Variants in COL26A1 observed in about 807,000 individuals in gnomAD.
COL26A1 encodes the protein collagen type XXVI alpha 1 chain, also known as collagen alpha-1(XXVI) chain.
In COL26A1, 41 loss-of-function variants were observed where a neutral mutation model predicts 59.3. The ratio of observed to expected loss-of-function variants is 0.69; its 90% CI spans 0.54 to 0.90. The LOEUF is 0.90. Among genes scored for constraint, COL26A1 ranks in the 40% least tolerant of loss-of-function variants. The pLI is 0.00. For synonymous variants in COL26A1, 266 were observed against 256.0 expected (o/e 1.04, Z -0.37); for missense variants, 612 against 602.3 (o/e 1.02, Z -0.17).
At chr7:101,509,682 C>A (rs1005920887) in intron 3 of COL26A1, among the ~76,000 whole-genome samples, 15 of 152,048 alleles carry the variant, frequency 9.9e-5, no homozygotes, top group Admixed American at 9.8e-4. Context: ...GAGTTGAGGC[C>A]CCCAGCAGCT....
chr7:101,549,070 CT>C (rs1795805073), intron 8 of COL26A1, 100 bp from the exon 9 acceptor site: 1 of 591,904 alleles, frequency 1.7e-6, no homozygotes. Context: ...CCAAACCCTC[CT>C]TTACTTCCCA....
intron 3 of COL26A1, among the ~76,000 whole-genome samples, chr7:101,469,495 C>CTTTTT (rs36116265): frequency 2.8e-5 from 4 of 145,206 alleles, no homozygotes; most frequent in African/African-American, 1.0e-4. Flanking sequence ...CGATTTCTCT[C>CTTTTT]TTTTTTTTTT....
intron 1 of COL26A1, among the ~76,000 whole-genome samples, chr7:101,396,754 C>T (rs1584370712): frequency 1.3e-5 from 2 of 152,146 alleles, no homozygotes; most frequent in East Asian, 3.9e-4. Flanking sequence ...TGAGCTACCA[C>T]TCCTGGCCAT....
chr7:101,538,436 G>A (rs1475201190), intron 4 of COL26A1, among the ~76,000 whole-genome samples: 1 of 152,230 alleles, frequency 6.6e-6, no homozygotes, highest in Non-Finnish European at 1.5e-5. Context: ...CCATTTGCTG[G>A]GTGATCTCAG....
At chr7:101,362,701 T>G, upstream of COL26A1, 2 of 352,658 alleles carry the variant, frequency 5.7e-6, no homozygotes, top group Admixed American at 4.9e-5. Context: ...AGGTCTGGCT[T>G]TCGGGGTGTT....
rs901504031 is a variant in COL26A1 at position 101,494,920 on chromosome 7, C to T, written c.386-38162C>T. On this transcript the variant is annotated intron_variant, in intron 3 of 12. Transcript: ENST00000313669. ...GTGCTGCCTAGAGTTGGTCGTGATT[C>T]ATCTCCTCTATGGGGAGAGGGGCTG... is the stretch of plus-strand genomic sequence containing the variant. Among the ~76,000 whole-genome samples, 5 of 152,336 alleles carry T rather than the reference C, an allele frequency of 3.3e-5. No homozygotes were observed. In the East Asian group the frequency reaches 9.6e-4, roughly 29 times the overall value.
At chr7:101,497,804 G>A (rs1563013053) in intron 3 of COL26A1, among the ~76,000 whole-genome samples, 1 of 152,098 alleles carries the variant, frequency 6.6e-6, no homozygotes, top group Non-Finnish European at 1.5e-5. Context: ...AACATAGCTA[G>A]GCCCCATCTT....
At chr7:101,392,160 C>T (rs1193129847) in intron 1 of COL26A1, among the ~76,000 whole-genome samples, 1 of 152,120 alleles carries the variant, frequency 6.6e-6, no homozygotes, top group Non-Finnish European at 1.5e-5. Context: ...AGAGATTTCA[C>T]TGCAGAGGTG....
chr7:101,404,683 C>G (rs1303421670), intron 1 of COL26A1, among the ~76,000 whole-genome samples: 1 of 152,212 alleles, frequency 6.6e-6, no homozygotes, highest in Non-Finnish European at 1.5e-5. Context: ...ATTGCTTGAG[C>G]CCAGGAGCTC....
intron 3 of COL26A1, among the ~76,000 whole-genome samples, chr7:101,510,027 C>CTT (rs3073374): frequency 4.9e-5 from 6 of 122,298 alleles, no homozygotes; most frequent in Admixed American, 8.0e-5. Context: ...CGCGCCCAGT[C>CTT]TTTTTTTTTT....
intron 2 of COL26A1, among the ~76,000 whole-genome samples, chr7:101,442,070 G>T (rs1162622570): frequency 6.6e-6 from 1 of 152,192 alleles, no homozygotes; most frequent in African/African-American, 2.4e-5. Flanking sequence ...TTAAGGGAGG[G>T]ACCTGATTTT....
intron 3 of COL26A1, among the ~76,000 whole-genome samples, chr7:101,525,519 T>C (rs1584486004): frequency 1.5e-5 from 2 of 131,012 alleles, no homozygotes; most frequent in African/African-American, 5.8e-5. Flanking sequence ...TTTTTTGAGA[T>C]GGAGTCTCTC....
chr7:101,519,193 G>A (rs1018645844), intron 3 of COL26A1, among the ~76,000 whole-genome samples: 2 of 152,214 alleles, frequency 1.3e-5, no homozygotes, highest in Non-Finnish European at 2.9e-5. Flanking sequence ...GAGGTGTCAG[G>A]ATCTGGGCAC....
At chr7:101,364,089 G>T (rs1790982515) in intron 1 of COL26A1, among the ~76,000 whole-genome samples, 1 of 152,130 alleles carries the variant, frequency 6.6e-6, no homozygotes, top group South Asian at 2.1e-4. Flanking sequence ...CCCGCCAGGC[G>T]TCTCCTTCCT....
intron 1 of COL26A1, among the ~76,000 whole-genome samples, chr7:101,407,922 A>G (rs1792166129): frequency 6.6e-6 from 1 of 152,170 alleles, no homozygotes; most frequent in South Asian, 2.1e-4. Context: ...TTTGCATACC[A>G]TTAAGATGGG....
At chr7:101,413,325 T>G (rs1584385897) in intron 1 of COL26A1, among the ~76,000 whole-genome samples, 1 of 152,190 alleles carries the variant, frequency 6.6e-6, no homozygotes, top group South Asian at 2.1e-4. Flanking sequence ...TCCAGACCAG[T>G]CTGGCCAACA....
chr7:101,510,843 C>T (rs1378156383), intron 3 of COL26A1, among the ~76,000 whole-genome samples: 1 of 151,414 alleles, frequency 6.6e-6, no homozygotes, highest in Admixed American at 6.6e-5. Flanking sequence ...CTGAGCGAGC[C>T]ACACAAGGTG....
intron 2 of COL26A1, among the ~76,000 whole-genome samples, chr7:101,428,666 CGT>C (rs1318398900): frequency 6.6e-6 from 1 of 151,344 alleles, no homozygotes; most frequent in East Asian, 1.9e-4. Flanking sequence ...CTTTTGTGGT[CGT>C]GTGTGTGTGT....
At position 101,509,406 on chromosome 7, in the gene COL26A1, A is replaced by C. The variant is rs180888315; in HGVS notation, c.386-23676A>C. On this transcript the variant is annotated intron_variant, in intron 3 of 12. Coordinates refer to ENST00000313669, the MANE Select transcript of COL26A1 (RefSeq NM_001278563.3). ...GGTTGCAGTAAGCTGAGATCGTGCC[A>C]CTGTACTCCAGCTCAGGCTACAGAC... 9.1e-4 allele frequency among the ~76,000 whole-genome samples: 139 copies of C among 152,262 alleles called. 2 individuals are homozygous for C. Among genetic ancestry groups the C allele is most frequent in the African/African-American group, 3.1e-3 (129 of 41,550 alleles).
Sources: allele counts gnomAD v4.1 joint callset (sites outside exome capture counted in the v4.1 genomes callset), GRCh38; gene constraint gnomAD v4.1.1; transcripts MANE v1.5; gene names NCBI Gene and HGNC (gene_info 2026-07-23, HGNC 2026-07-21).